The following DTWD2 variants were observed in gnomAD, a reference collection of about 807,000 sequenced individuals.
The protein encoded by DTWD2 is tRNA-uridine aminocarboxypropyltransferase 2.
DTWD2 carries 39 observed loss-of-function variants against 31.8 expected under a neutral mutation model. The ratio of observed to expected loss-of-function variants is 1.22; its 90% confidence interval spans 0.95 to 1.60. The LOEUF (loss-of-function observed/expected upper bound fraction) is 1.60, where lower values mean the gene tolerates loss of function less well. Ranked by LOEUF, DTWD2 falls within the 40% of genes most tolerant of loss-of-function variation. DTWD2 has a pLI of 0.00. For synonymous variants in DTWD2, 180 were observed against 142.8 expected, an observed-to-expected ratio of 1.26 and a Z score of -1.86; for missense variants, 515 against 381.5, an observed-to-expected ratio of 1.35 and a Z score of -2.92.
chr5:118,861,237 C>T (rs1036341936), intron 4 of DTWD2, among the ~76,000 whole-genome samples: 6 of 152,170 alleles, frequency 3.9e-5, no homozygotes, highest in Non-Finnish European at 8.8e-5. Flanking sequence ...CTGGAAGTTA[C>T]TTAGCCTAAA....
At chr5:118,945,376 C>A (rs1403352640) in intron 1 of DTWD2, among the ~76,000 whole-genome samples, 1 of 152,134 alleles carries the variant, frequency 6.6e-6, no homozygotes, top group Non-Finnish European at 1.5e-5. Flanking sequence ...TTAGGGGCAA[C>A]CAATGACTGG....
chr5:118,846,393 T>A (rs1347233330), intron 5 of DTWD2, among the ~76,000 whole-genome samples: 1 of 152,126 alleles, frequency 6.6e-6, no homozygotes, highest in African/African-American at 2.4e-5. Flanking sequence ...GCAGTAAAGA[T>A]CCAATTCCAG....
intron 4 of DTWD2, among the ~76,000 whole-genome samples, chr5:118,891,213 T>C (rs976647575): frequency 6.6e-6 from 1 of 151,718 alleles, no homozygotes; most frequent in African/African-American, 2.4e-5. Flanking sequence ...AAAAAAAAAA[T>C]TTCATTATTA....
chr5:118,896,811 C>A (rs1450374608), intron 4 of DTWD2, among the ~76,000 whole-genome samples: 1 of 152,130 alleles, frequency 6.6e-6, no homozygotes, highest in East Asian at 1.9e-4. Context: ...ACTGGAGAGG[C>A]CACATGTAGG....
At chr5:118,932,910 AATT>A (rs1301988979) in intron 3 of DTWD2, among the ~76,000 whole-genome samples, 1 of 152,178 alleles carries the variant, frequency 6.6e-6, no homozygotes, top group Non-Finnish European at 1.5e-5. Flanking sequence ...AGATCAATTA[AATT>A]GATAAAACTA....
Position 118,988,349 on chromosome 5 carries a change from G to T in DTWD2, c.163C>A (p.Leu55Met). The T allele has an allele frequency of 6.4e-7, 1 of 1,559,500 alleles. No individual in the cohort carries two copies. Among genetic ancestry groups the T allele is most frequent in the Non-Finnish European group, 8.7e-7 (1 of 1,155,152 alleles). Residue 55 changes from leucine to methionine, a missense_variant, in exon 1 of 6, where the codon CTG (leucine) becomes ATG (methionine). By Grantham distance (15) the Leu-to-Met change is conservative. Transcript: ENST00000510708. ...GCCGGCTCCACCGGCAGCTCCCACA[G>T]CCCGTCCGCACTGTCGTCGTCCGCC... ...AEADDDSADG[L>M]WELPVEPAER... is the part of the protein sequence containing the mutation.
At chr5:118,940,227 T>A (rs904892648) in intron 2 of DTWD2, among the ~76,000 whole-genome samples, 14 of 152,348 alleles carry the variant, frequency 9.2e-5, no homozygotes, top group African/African-American at 3.1e-4. Context: ...GCCACGAGAA[T>A]TCTACCTTGA....
intron 1 of DTWD2, 82 bp from the exon 2 acceptor site, chr5:118,944,731 C>T: frequency 7.7e-7 from 1 of 1,294,536 alleles, no homozygotes. Context: ...CTTAATCCCA[C>T]TGCATTTATA....
chr5:118,933,712 A>G (rs1356286552), intron 3 of DTWD2, among the ~76,000 whole-genome samples: 3 of 152,130 alleles, frequency 2.0e-5, no homozygotes, highest in African/African-American at 7.2e-5. Flanking sequence ...ATTGTTCTCT[A>G]AGACTGAGAA....
chr5:118,852,655 T>C (rs1230812840), intron 4 of DTWD2, among the ~76,000 whole-genome samples: 4 of 152,184 alleles, frequency 2.6e-5, no homozygotes, highest in Non-Finnish European at 4.4e-5. Context: ...TCGAAAGCGG[T>C]GTGGTGATTT....
At chr5:118,911,060 G>A (rs1167077944) in intron 4 of DTWD2, among the ~76,000 whole-genome samples, 1 of 152,134 alleles carries the variant, frequency 6.6e-6, no homozygotes, top group Non-Finnish European at 1.5e-5. Context: ...TTCGAGCACA[G>A]CACCATATAT....
chr5:118,841,593 C>T (rs1751716307), intron 5 of DTWD2, among the ~76,000 whole-genome samples: 1 of 152,036 alleles, frequency 6.6e-6, no homozygotes, highest in African/African-American at 2.4e-5. Context: ...AGTTAGATGC[C>T]CAGGTCTTGG....
chr5:118,935,582 T>C (rs1209747647), intron 3 of DTWD2, among the ~76,000 whole-genome samples: 1 of 152,180 alleles, frequency 6.6e-6, no homozygotes, highest in Non-Finnish European at 1.5e-5. Flanking sequence ...GTCTCGGAAG[T>C]TTTCTGTGTT....
At chr5:118,949,281 G>T (rs1418232041) in intron 1 of DTWD2, among the ~76,000 whole-genome samples, 2 of 152,190 alleles carry the variant, frequency 1.3e-5, no homozygotes, top group East Asian at 3.8e-4. Context: ...TATAGCCTAG[G>T]TAAGTTGCTG....
At chr5:118,939,597 ACT>A (rs1283953614) in intron 2 of DTWD2, among the ~76,000 whole-genome samples, 2 of 152,164 alleles carry the variant, frequency 1.3e-5, no homozygotes, top group African/African-American at 4.8e-5. Context: ...TGAATCATTT[ACT>A]CTGACAAGTT....
chr5:118,848,149 T>C lies in DTWD2; in HGVS notation c.667A>G (p.Thr223Ala). The change falls in exon 5 of 6, where the codon ACA (threonine) becomes GCA (alanine). Residue 223 changes from threonine (T) to alanine (A), a missense_variant. Thr to Ala is a moderately conservative substitution (Grantham distance 58). Transcript: ENST00000510708. ...AGAGCAACAGCTGCACACTCCAGTG[T>C]AGAAAGGCATCTATTAGTCGGCTGC... ...RMQPTNRCLS[T>A]LECAAVALSI... The C allele has an allele frequency of 6.2e-7, 1 of 1,608,308 alleles. No individual in the cohort carries two copies. The highest frequency in any genetic ancestry group is 8.5e-7 in the Non-Finnish European group (1 of 1,177,420).
At chr5:118,932,323 T>TAA (rs747699056) in intron 3 of DTWD2, among the ~76,000 whole-genome samples, 2 of 94,340 alleles carry the variant, frequency 2.1e-5, no homozygotes, top group African/African-American at 4.0e-5. Context: ...CAAAAAAATT[T>TAA]AAAAAAAAAA....
chr5:118,977,955 C>A (rs1755203901), intron 1 of DTWD2, among the ~76,000 whole-genome samples: 1 of 152,182 alleles, frequency 6.6e-6, no homozygotes, highest in Non-Finnish European at 1.5e-5. Context: ...TCAAACTATA[C>A]TACAAGGCTA....
intron 1 of DTWD2, among the ~76,000 whole-genome samples, chr5:118,964,213 A>T (rs1361561628): frequency 6.9e-6 from 1 of 144,732 alleles, no homozygotes; most frequent in African/African-American, 2.7e-5. Flanking sequence ...GCAAGACTCC[A>T]TCTCAAAAAA....
Sources: gnomAD v4.1 joint callset for allele counts (sites outside exome capture counted in the v4.1 genomes callset) on GRCh38, gnomAD v4.1.1 for gene constraint, MANE v1.5 for transcripts, NCBI Gene and HGNC (gene_info 2026-07-23, HGNC 2026-07-21) for gene names.